Variants in RMDN2 observed in about 807,000 individuals in gnomAD.
The protein encoded by RMDN2 is regulator of microtubule dynamics 2.
Under a neutral mutation model 52.8 loss-of-function variants are expected in RMDN2, and 61 were observed. The ratio of observed to expected loss-of-function variants is 1.16; its 90% CI spans 0.94 to 1.43. The LOEUF (loss-of-function observed/expected upper bound fraction) is 1.43. RMDN2 is among the 40% of genes most tolerant of loss of function. The probability of loss-of-function intolerance (pLI) is 0.00; values close to 1 mark genes in which losing one functional copy is unlikely to be tolerated. For missense variants in RMDN2, 592 were observed against 475.3 expected (o/e 1.25, Z -2.28); for synonymous variants, 180 against 153.1 (o/e 1.18, Z -1.30).
At chr2:37,967,383 A>G (rs1047426954) in intron 2 of RMDN2, among the ~76,000 whole-genome samples, 2 of 152,222 alleles carry the variant, frequency 1.3e-5, no homozygotes, top group Non-Finnish European at 2.9e-5. Context: ...TCTTTAAGGA[A>G]TCATAACAGG....
At chr2:37,997,332 AACAC>A in intron 7 of RMDN2, 80 bp from the exon 8 acceptor site, 3 of 836,496 alleles carry the variant, frequency 3.6e-6, no homozygotes, top group Non-Finnish European at 6.3e-6. Flanking sequence ...ATATACACAT[AACAC>A]ACACACGTCT....
upstream of RMDN2, among the ~76,000 whole-genome samples, chr2:37,922,605 C>T (rs1163003871): frequency 6.6e-6 from 1 of 152,196 alleles, no homozygotes; most frequent in Non-Finnish European, 1.5e-5. Context: ...ATGTTCACAG[C>T]CTCACAAACA....
At chr2:37,982,741 C>T (rs1197235346) in intron 5 of RMDN2, among the ~76,000 whole-genome samples, 3 of 152,136 alleles carry the variant, frequency 2.0e-5, no homozygotes, top group African/African-American at 7.2e-5. Context: ...CAATTTGGTA[C>T]AGACTTAAGA....
At chr2:38,018,269 C>T (rs114655766), downstream of RMDN2, among the ~76,000 whole-genome samples, 86 of 152,256 alleles carry the variant, frequency 5.6e-4, no homozygotes, top group African/African-American at 2.0e-3. Context: ...GGAGCATTCT[C>T]ATACACGGTT....
Position 37,993,692 on chromosome 2 carries a change from C to G in RMDN2, c.945+2395C>G, listed in dbSNP as rs912094782. Among the ~76,000 whole-genome samples, 5 of 142,786 alleles carry G rather than the reference C, an allele frequency of 3.5e-5. No homozygotes were observed. The East Asian group carries it at 8.2e-4, about 23-fold the overall frequency. 93.7% of individuals were successfully genotyped at this position (142,786 alleles called of 152,430 possible). On this transcript the variant is annotated intron_variant, in intron 7 of 10. Coordinates refer to ENST00000354545, the MANE Select transcript of RMDN2 (RefSeq NM_001170791.3). ...TTTGTTGGGACTGGGGGACTAGAGA[C>G]CTGAGCAGAGCAGAGAGCAGCTTGA... is the stretch of plus-strand genomic sequence containing the variant.
chr2:37,969,965 C>T (rs970603932), intron 2 of RMDN2, among the ~76,000 whole-genome samples: 1 of 151,708 alleles, frequency 6.6e-6, no homozygotes, highest in Admixed American at 6.6e-5. Context: ...CAGTTTCTTA[C>T]TCTGTCTCCC....
intron 1 of RMDN2, among the ~76,000 whole-genome samples, chr2:37,926,303 A>G (rs1276651948): frequency 6.6e-6 from 1 of 152,220 alleles, no homozygotes; most frequent in Non-Finnish European, 1.5e-5. Context: ...TTAATTTTAA[A>G]TAAAACTAGA....
chr2:37,983,132 G>A (rs1572933604), intron 5 of RMDN2, among the ~76,000 whole-genome samples: 1 of 150,450 alleles, frequency 6.6e-6, no homozygotes, highest in Admixed American at 6.6e-5. Context: ...CCCATCCTCT[G>A]TCCTCTTCCT....
At chr2:38,003,341 T>C (rs7566049) in intron 8 of RMDN2, among the ~76,000 whole-genome samples, 5,179 of 151,984 alleles carry the variant, frequency 0.034, 295 homozygotes, top group African/African-American at 0.12. Flanking sequence ...TCACCTGAGG[T>C]CAGGAGTTTG....
At chr2:37,948,442 G>T (rs965724415) in intron 2 of RMDN2, among the ~76,000 whole-genome samples, 1 of 152,148 alleles carries the variant, frequency 6.6e-6, no homozygotes, top group Admixed American at 6.5e-5. Context: ...AGAAAAGGAG[G>T]AGGGTTGGGT....
chr2:37,939,504 C>T (rs1478873127), intron 2 of RMDN2, among the ~76,000 whole-genome samples: 1 of 152,110 alleles, frequency 6.6e-6, no homozygotes, highest in Non-Finnish European at 1.5e-5. Context: ...TAAATTCTCC[C>T]ACTCTTATTG....
intron 10 of RMDN2, among the ~76,000 whole-genome samples, chr2:38,023,301 G>A (rs1679533051): frequency 6.6e-6 from 1 of 151,970 alleles, no homozygotes; most frequent in African/African-American, 2.4e-5. Flanking sequence ...GTGAAAGACA[G>A]TGGAAAGACA....
At chr2:38,058,213 C>T (rs1168877185) in intron 10 of RMDN2, among the ~76,000 whole-genome samples, 1 of 152,126 alleles carries the variant, frequency 6.6e-6, no homozygotes, top group African/African-American at 2.4e-5. Flanking sequence ...TGGGAAAAAC[C>T]CAGGTCAGTG....
intron 10 of RMDN2, among the ~76,000 whole-genome samples, chr2:38,063,845 A>G (rs1280000564): frequency 6.6e-6 from 1 of 152,230 alleles, no homozygotes; most frequent in Non-Finnish European, 1.5e-5. Flanking sequence ...GGTATATGTT[A>G]TCAGTTTTGT....
chr2:37,949,234 A>T (rs756596757), intron 2 of RMDN2, among the ~76,000 whole-genome samples: 1 of 152,130 alleles, frequency 6.6e-6, no homozygotes, highest in African/African-American at 2.4e-5. Flanking sequence ...ATCATTCTTT[A>T]TGTGGGCCAT....
At chr2:37,929,106 C>G (rs1666519063) in intron 1 of RMDN2, among the ~76,000 whole-genome samples, 156 bp from the exon 2 acceptor site, 1 of 152,130 alleles carries the variant, frequency 6.6e-6, no homozygotes, top group Non-Finnish European at 1.5e-5. Context: ...CAACAGTATA[C>G]TTCCATTTGT....
rs1668879046 is a variant in RMDN2, at chr2:37,951,990, G to C, written c.453-22050G>C. On this transcript the variant is annotated intron_variant, in intron 2 of 10. Coordinates refer to ENST00000354545, the MANE Select transcript of RMDN2 (RefSeq NM_001170791.3). ...TCCTCGTCCTGAAAGTTACAGCACA[G>C]ATCATTCTCCAATCATGATTCCACA... is the stretch of plus-strand genomic sequence containing the variant. The C allele has an allele frequency of 2.5e-6, 4 of 1,613,042 alleles. No individual in the cohort carries two copies. The Admixed American group carries it at 5.0e-5, about 20-fold the overall frequency.
At chr2:37,939,932 A>G (rs1182515677) in intron 2 of RMDN2, among the ~76,000 whole-genome samples, 5 of 152,176 alleles carry the variant, frequency 3.3e-5, no homozygotes, top group African/African-American at 1.2e-4. Context: ...TTATGATGCT[A>G]GCTGGTTATT....
At chr2:37,963,593 G>T (rs1156667849) in intron 2 of RMDN2, among the ~76,000 whole-genome samples, 1 of 152,190 alleles carries the variant, frequency 6.6e-6, no homozygotes, top group East Asian at 1.9e-4. Context: ...ATTTAACCCT[G>T]AGTGGACACA....
Sources: gnomAD v4.1 joint callset for allele counts (sites outside exome capture counted in the v4.1 genomes callset) on GRCh38, gnomAD v4.1.1 for gene constraint, MANE v1.5 for transcripts, NCBI Gene and HGNC (gene_info 2026-07-23, HGNC 2026-07-21) for gene names.